Variants in HHAT observed in about 807,000 individuals in gnomAD.
HHAT encodes the protein protein-cysteine N-palmitoyltransferase HHAT.
Under a neutral mutation model 70.8 loss-of-function variants are expected in HHAT, and 47 were observed. The ratio of observed to expected loss-of-function variants is 0.66; its 90% CI spans 0.53 to 0.85. The LOEUF (loss-of-function observed/expected upper bound fraction) is 0.85. Among genes scored for constraint, HHAT ranks in the 40% least tolerant of loss-of-function variants. HHAT has a pLI of 0.00. For missense variants in HHAT, 609 were observed against 604.8 expected, an observed-to-expected ratio of 1.01 and a Z score of -0.07; for synonymous variants, 228 against 247.6, an observed-to-expected ratio of 0.92 and a Z score of 0.74.
At chr1:210,657,083 C>A (rs1228894581) in intron 11 of HHAT, among the ~76,000 whole-genome samples, 3 of 152,186 alleles carry the variant, frequency 2.0e-5, no homozygotes, top group Non-Finnish European at 2.9e-5. Context: ...GTGCTCCAGT[C>A]AAGTTCTTTT....
intron 10 of HHAT, among the ~76,000 whole-genome samples, chr1:210,612,786 CT>C (rs768053531): frequency 7.2e-5 from 11 of 152,100 alleles, no homozygotes; most frequent in Non-Finnish European, 1.2e-4. Flanking sequence ...CTTAAGATTT[CT>C]TCATGTCCTC....
At chr1:210,343,494 T>C (rs2086219737) in intron 1 of HHAT, among the ~76,000 whole-genome samples, 1 of 151,124 alleles carries the variant, frequency 6.6e-6, no homozygotes, top group African/African-American at 2.4e-5. Context: ...GAAAAGAGAG[T>C]GTGTGAGGAA....
chr1:210,525,185 G>T (rs1375456637), intron 9 of HHAT, among the ~76,000 whole-genome samples: 1 of 151,980 alleles, frequency 6.6e-6, no homozygotes, highest in African/African-American at 2.4e-5. Context: ...CAGCACCCTT[G>T]CGTTGATGCC....
chr1:210,640,356 G>A (rs1466949692), intron 11 of HHAT, among the ~76,000 whole-genome samples: 1 of 152,050 alleles, frequency 6.6e-6, no homozygotes, highest in African/African-American at 2.4e-5. Context: ...AAAACTTTTT[G>A]GAGACAAGAG....
At chr1:210,609,913 T>C (rs1012769574) in intron 10 of HHAT, among the ~76,000 whole-genome samples, 2 of 152,244 alleles carry the variant, frequency 1.3e-5, no homozygotes, top group Non-Finnish European at 2.9e-5. Flanking sequence ...CAATCTATCA[T>C]TGATGGGCGT....
intron 9 of HHAT, among the ~76,000 whole-genome samples, chr1:210,582,933 G>A (rs1407307697): frequency 1.3e-5 from 2 of 152,164 alleles, no homozygotes; most frequent in Non-Finnish European, 2.9e-5. Context: ...TCCTAGAAAG[G>A]ACATTTTTCA....
At chr1:210,521,248 T>C (rs1042035105) in intron 9 of HHAT, among the ~76,000 whole-genome samples, 4 of 152,250 alleles carry the variant, frequency 2.6e-5, no homozygotes, top group Non-Finnish European at 4.4e-5. Context: ...AGCTGTTCAC[T>C]GCTTGTAGTG....
chr1:210,423,621 AC>A (rs1270263616), intron 7 of HHAT, among the ~76,000 whole-genome samples: 9 of 152,128 alleles, frequency 5.9e-5, no homozygotes, highest in African/African-American at 2.2e-4. Flanking sequence ...TATTTATAAA[AC>A]CTTTCCCTGA....
Position 210,466,707 on chromosome 1 carries a change from G to A in HHAT, c.1007+2052G>A, listed in dbSNP as rs531770769. On this transcript the variant is annotated intron_variant, in intron 8 of 11. Transcript: ENST00000261458. Reference sequence around the variant, plus strand: ...ATACCAACCCACTGTGTCACCAGAGGCAGTTTCGGCAGTTGACTATATTTC... The same window carrying A: ...ATACCAACCCACTGTGTCACCAGAGACAGTTTCGGCAGTTGACTATATTTC... Among the ~76,000 whole-genome samples the A allele has an allele frequency of 3.3e-5, 5 of 152,296 alleles. No homozygotes were observed. In the East Asian group the frequency reaches 9.6e-4, roughly 29 times the overall value.
At chr1:210,433,274 G>T (rs2093296894) in intron 7 of HHAT, among the ~76,000 whole-genome samples, 1 of 151,746 alleles carries the variant, frequency 6.6e-6, no homozygotes, top group African/African-American at 2.4e-5. Context: ...TTCACTTGCA[G>T]GTTCAGGTGA....
intron 7 of HHAT, among the ~76,000 whole-genome samples, chr1:210,456,563 C>T (rs991755836): frequency 3.3e-5 from 5 of 152,120 alleles, no homozygotes; most frequent in Admixed American, 2.0e-4. Context: ...TGATATAGAC[C>T]GTGCACAGGC....
At chr1:210,383,603 C>T (rs952838015) in intron 3 of HHAT, among the ~76,000 whole-genome samples, 1 of 152,070 alleles carries the variant, frequency 6.6e-6, no homozygotes, top group African/African-American at 2.4e-5. Flanking sequence ...GAATATGCAA[C>T]ATCAAGAGTG....
At chr1:210,533,329 GTCAACTCCAA>G in intron 9 of HHAT, among the ~76,000 whole-genome samples, 1 of 80,412 alleles carries the variant, frequency 1.2e-5, no homozygotes, top group Non-Finnish European at 3.1e-5. Flanking sequence ...TTTGGGGACT[GTCAACTCCAA>G]GGGAAATGGG....
At chr1:210,637,141 A>T (rs1672015245) in intron 11 of HHAT, among the ~76,000 whole-genome samples, 1 of 152,218 alleles carries the variant, frequency 6.6e-6, no homozygotes, top group South Asian at 2.1e-4. Flanking sequence ...GGTTATTGGT[A>T]CTGGTATTAT....
chr1:210,442,223 G>A (rs1421427335), intron 7 of HHAT, among the ~76,000 whole-genome samples: 1 of 134,138 alleles, frequency 7.5e-6, no homozygotes, highest in African/African-American at 2.8e-5. Flanking sequence ...GTGTATATGT[G>A]CCACATTTTC....
chr1:210,660,315 T>C (rs144460313), intron 11 of HHAT, among the ~76,000 whole-genome samples: 2,569 of 152,250 alleles, frequency 0.017, 34 homozygotes, highest in Middle Eastern at 0.031. Flanking sequence ...CCATTCACAA[T>C]TGCTTCAAAG....
intron 7 of HHAT, among the ~76,000 whole-genome samples, chr1:210,450,303 T>C (rs377116723): frequency 8.2e-6 from 1 of 122,498 alleles, no homozygotes; most frequent in South Asian, 2.9e-4. Flanking sequence ...GTGGGGGGGG[T>C]GGGAAACAGT....
chr1:210,381,720 A>G (rs958077598), intron 3 of HHAT, among the ~76,000 whole-genome samples: 2 of 152,212 alleles, frequency 1.3e-5, no homozygotes, highest in East Asian at 3.9e-4. Context: ...CCATCTCACT[A>G]GGAGATAAAC....
intron 9 of HHAT, among the ~76,000 whole-genome samples, chr1:210,539,737 G>A (rs2095409701): frequency 6.6e-6 from 1 of 152,142 alleles, no homozygotes; most frequent in Non-Finnish European, 1.5e-5. Flanking sequence ...TCAGAGAGGA[G>A]CAGAGAAGCC....
Sources: allele counts gnomAD v4.1 joint callset (sites outside exome capture counted in the v4.1 genomes callset), GRCh38; gene constraint gnomAD v4.1.1; transcripts MANE v1.5; gene names NCBI Gene and HGNC (gene_info 2026-07-23, HGNC 2026-07-21).